Variants in DACH1 observed in about 807,000 individuals in gnomAD.
DACH1 encodes the protein dachshund family transcription factor 1.
A neutral mutation model predicts 54.2 loss-of-function variants in DACH1; 12 were observed. The observed-to-expected ratio is 0.22, with a 90% CI of 0.14 to 0.36. The LOEUF is 0.36. DACH1 is among the 10% of genes least tolerant of loss of function. The pLI is 1.00. For missense variants in DACH1, 805 were observed against 929.8 expected (o/e 0.87, Z 1.75); for synonymous variants, 386 against 366.2 (o/e 1.05, Z -0.62).
At chr13:71,754,996 A>G (rs142563492) in intron 1 of DACH1, among the ~76,000 whole-genome samples, 409 of 152,262 alleles carry the variant, frequency 2.7e-3, no homozygotes, top group Admixed American at 4.3e-3. Context: ...TTATCTCTTC[A>G]TCTTCTCTTT....
At chr13:71,783,332 A>G (rs968743693) in intron 1 of DACH1, among the ~76,000 whole-genome samples, 3 of 152,200 alleles carry the variant, frequency 2.0e-5, no homozygotes, top group South Asian at 2.1e-4. Context: ...ATAAACTTAT[A>G]ACTAAAGTCT....
chr13:71,457,525 AC>A (rs1365257445), intron 10 of DACH1, among the ~76,000 whole-genome samples: 1 of 151,780 alleles, frequency 6.6e-6, no homozygotes, highest in Non-Finnish European at 1.5e-5. Flanking sequence ...TCTAACTCCC[AC>A]GAAAAAAAAA....
intron 1 of DACH1, among the ~76,000 whole-genome samples, chr13:71,857,916 A>G (rs1874107166): frequency 1.3e-5 from 2 of 151,868 alleles, no homozygotes; most frequent in Middle Eastern, 3.5e-3. Context: ...TTCATACATA[A>G]ACAATATGTC....
chr13:71,587,985 A>G (rs987865368), intron 3 of DACH1, among the ~76,000 whole-genome samples: 1 of 152,118 alleles, frequency 6.6e-6, no homozygotes, highest in African/African-American at 2.4e-5. Context: ...GGCTCTTCAA[A>G]GCTTTCTGTG....
intron 1 of DACH1, among the ~76,000 whole-genome samples, chr13:71,745,048 T>C (rs542703072): frequency 6.6e-6 from 1 of 152,328 alleles, no homozygotes; most frequent in African/African-American, 2.4e-5. Context: ...ATCATCTGCC[T>C]TACAGATTGC....
At chr13:71,848,828 A>C (rs1338271288) in intron 1 of DACH1, among the ~76,000 whole-genome samples, 1 of 152,180 alleles carries the variant, frequency 6.6e-6, no homozygotes, top group East Asian at 1.9e-4. Context: ...CCTGGCCCAG[A>C]TGACAATTCT....
intron 6 of DACH1, among the ~76,000 whole-genome samples, chr13:71,521,158 A>T (rs1881570831): frequency 6.6e-6 from 1 of 152,138 alleles, no homozygotes; most frequent in Admixed American, 6.6e-5. Context: ...TAAAATGGAG[A>T]TAACAGTAAT....
intron 1 of DACH1, among the ~76,000 whole-genome samples, chr13:71,805,199 A>T (rs1484836058): frequency 6.6e-6 from 1 of 152,146 alleles, no homozygotes; most frequent in Admixed American, 6.6e-5. Context: ...AAAGGTTTAT[A>T]CATTTGTATA....
chr13:71,446,580 G>A (rs1874487382), intron 10 of DACH1, among the ~76,000 whole-genome samples: 1 of 152,192 alleles, frequency 6.6e-6, no homozygotes, highest in African/African-American at 2.4e-5. Context: ...GAAGTGCAGT[G>A]ATTTGACATT....
chr13:71,637,110 G>T (rs1594025273), intron 2 of DACH1, among the ~76,000 whole-genome samples: 1 of 152,054 alleles, frequency 6.6e-6, no homozygotes, highest in Non-Finnish European at 1.5e-5. Context: ...TACAGTGGCT[G>T]GGGGGAGAGA....
rs531474756 is a variant in DACH1 at position 71,746,860 on chromosome 13, ATATTT to A, written c.849-64955_849-64951del. ...ACTTAGTGAATGTATTTATTTTAAT[ATATTT>A]TAAGATATACTAAAAATACAATGTG... is the stretch of plus-strand genomic sequence containing the variant. On this transcript the variant is annotated intron_variant, in intron 1 of 10. Transcript: ENST00000613252. Among the ~76,000 whole-genome samples the A allele has an allele frequency of 1.9e-4, 29 of 152,294 alleles. No individual in the cohort carries two copies. The East Asian group carries it at 4.8e-3, about 25-fold the overall frequency.
At chr13:71,532,365 T>C (rs1882472840) in intron 6 of DACH1, among the ~76,000 whole-genome samples, 1 of 151,976 alleles carries the variant, frequency 6.6e-6, no homozygotes, top group African/African-American at 2.4e-5. Context: ...GAAATATTTA[T>C]GAAATTAAAT....
chr13:71,584,095 T>G (rs1231121603), intron 3 of DACH1, among the ~76,000 whole-genome samples: 1 of 152,200 alleles, frequency 6.6e-6, no homozygotes, highest in Non-Finnish European at 1.5e-5. Context: ...ACAGATGCTC[T>G]CATTTAGATA....
At position 71,699,727 on chromosome 13, in the gene DACH1, A is replaced by T. The variant is rs115017987; in HGVS notation, c.849-17817T>A. Reference sequence around the variant, plus strand: ...TCAGTCTTCACACAAAACTTTTCATAAGCTTTGAAGAAATATTTGAAGGGA... The same window carrying T: ...TCAGTCTTCACACAAAACTTTTCATTAGCTTTGAAGAAATATTTGAAGGGA... On this transcript the variant is annotated intron_variant, in intron 1 of 10. Transcript: ENST00000613252. 7.6e-3 allele frequency among the ~76,000 whole-genome samples: 1,155 copies of T among 152,332 alleles called. 21 individuals carry two copies. Among genetic ancestry groups the T allele is most frequent in the African/African-American group, 0.026 (1,069 of 41,574 alleles).
chr13:71,500,790 T>A (rs1301988181), intron 6 of DACH1, among the ~76,000 whole-genome samples: 3 of 152,114 alleles, frequency 2.0e-5, no homozygotes, highest in Non-Finnish European at 4.4e-5. Context: ...GGCCTTTTTT[T>A]TTCTCTCACT....
intron 6 of DACH1, among the ~76,000 whole-genome samples, chr13:71,507,729 C>T (rs1250755273): frequency 1.3e-5 from 2 of 152,100 alleles, no homozygotes; most frequent in Admixed American, 1.3e-4. Flanking sequence ...ATAATCAGGA[C>T]ACAATTCTTA....
chr13:71,848,948 G>A (rs537242817), intron 1 of DACH1, among the ~76,000 whole-genome samples: 9 of 152,066 alleles, frequency 5.9e-5, no homozygotes, highest in South Asian at 2.1e-4. Context: ...CCCACTATCC[G>A]ACATCACTCA....
chr13:71,705,524 C>T (rs758165965), intron 1 of DACH1, among the ~76,000 whole-genome samples: 2 of 152,146 alleles, frequency 1.3e-5, no homozygotes, highest in African/African-American at 4.8e-5. Context: ...AATCATTAAA[C>T]ATCATTAAAA....
At position 71,778,091 on chromosome 13, in the gene DACH1, A is replaced by G. The variant is rs564838927; in HGVS notation, c.848+87831T>C. The stretch of plus-strand genomic sequence containing the variant: ...TAGGCGACAGAGTGAGACCCTGTCT[A>G]CAATAAATAAATAAATAAATAAATA... On this transcript the variant is annotated intron_variant, in intron 1 of 10. Coordinates refer to ENST00000613252, the MANE Select transcript of DACH1 (RefSeq NM_080759.6). Among the ~76,000 whole-genome samples, 25 of 132,928 alleles carry G rather than the reference A, an allele frequency of 1.9e-4. No homozygotes were observed. In the South Asian group the frequency reaches 5.3e-3, roughly 28 times the overall value. The allele number at this position is 132,928 out of a possible 152,430, so 87.2% of individuals were successfully genotyped here.
Sources: allele counts gnomAD v4.1 joint callset (sites outside exome capture counted in the v4.1 genomes callset), GRCh38; gene constraint gnomAD v4.1.1; transcripts MANE v1.5; gene names NCBI Gene and HGNC (gene_info 2026-07-23, HGNC 2026-07-21).